Variants in TTN observed in about 807,000 individuals in gnomAD.
The protein encoded by TTN is titin.
TTN carries 1,525 observed loss-of-function variants against 3,223.0 expected under a neutral mutation model. The ratio of observed to expected loss-of-function variants is 0.47; its 90% confidence interval spans 0.45 to 0.49. The LOEUF is 0.49. Among genes scored for constraint, TTN ranks in the 20% least tolerant of loss-of-function variants. TTN has a pLI of 0.00. For synonymous variants in TTN, 14,094 were observed against 15,161.0 expected, an observed-to-expected ratio of 0.93 and a Z score of 5.17; for missense variants, 40,786 against 43,424.0, an observed-to-expected ratio of 0.94 and a Z score of 5.40.
intron 239 of TTN, 121 bp from the exon 240 acceptor site, chr2:178,629,564 A>G (rs1159899293): frequency 1.4e-6 from 2 of 1,413,094 alleles, no homozygotes; most frequent in African/African-American, 1.4e-5. Context: ...ACTGGCCACT[A>G]TTTTAACTCC....
chr2:178,731,540 G>A lies in TTN; in HGVS notation c.17226C>T (p.Leu5742=), dbSNP rs2154309349. The stretch of plus-strand genomic sequence containing the variant: ...CCTGGAAGGCAGCTGTGCCTCCCCG[G>A]AGGGAGCTGGTACTCTCGATCTTCT... ...FIKKIESTSS[L]RGGTAAFQAT... Residue 5742 remains leucine (L), a synonymous_variant, in exon 59 of 363, where the codon CTC becomes CTT. Transcript: ENST00000589042. 6.2e-7 allele frequency: 1 copy of A among 1,612,684 alleles called. No individual in the cohort carries two copies. The highest frequency in any genetic ancestry group is 1.7e-5 in the Admixed American group (1 of 59,898).
Position 178,533,503 on chromosome 2 carries a change from T to C in TTN, c.103112A>G (p.Asn34371Ser). ...ACTTTGGCCTTCTTGGCATTCTGCATTTGCCAGTAACCTTTTGAACATGGG... is the reference window on the plus strand; with the variant it reads ...ACTTTGGCCTTCTTGGCATTCTGCACTTGCCAGTAACCTTTTGAACATGGG... The part of the protein sequence containing the change: ...LRPMFKRLLA[N>S]AECQEGQSVC... Residue 34371 changes from asparagine to serine, a missense_variant, in exon 358 of 363, where the codon AAT (asparagine) becomes AGT (serine). Transcript: ENST00000589042. 6.2e-7 allele frequency: 1 copy of C among 1,613,466 alleles called. No individual in the cohort carries two copies. The highest frequency in any genetic ancestry group is 8.5e-7 in the Non-Finnish European group (1 of 1,179,434).
At position 178,554,186 on chromosome 2, in the gene TTN, A is replaced by C. The variant is rs1318548034; in HGVS notation, c.88925T>G (p.Val29642Gly). The C allele has an allele frequency of 6.2e-7, 1 of 1,607,042 alleles. No homozygotes were observed. The highest frequency in any genetic ancestry group is 2.2e-5 in the East Asian group (1 of 44,806). ...VTPGPPGIPEVTKITKNSMTV... is the reference protein window; with the variant it reads ...VTPGPPGIPEGTKITKNSMTV... ...CATCGAATTCTTGGTAATCTTTGTCACTTCTGGTATGCCTGGTGGCCCAGG... is the reference window on the plus strand; with the variant it reads ...CATCGAATTCTTGGTAATCTTTGTCCCTTCTGGTATGCCTGGTGGCCCAGG... The change falls in exon 333 of 363, where the codon GTG becomes GGG. Residue 29642 changes from valine to glycine, a missense_variant. Physicochemically the swap from Val to Gly is moderately radical, Grantham distance 109. Coordinates refer to ENST00000589042, the MANE Select transcript of TTN (RefSeq NM_001267550.2).
chr2:178,542,929 A>G lies in TTN; in HGVS notation c.96925T>C (p.Ser32309Pro). Residue 32309 changes from serine to proline, a missense_variant, in exon 348 of 363, where the codon TCT becomes CCT. By Grantham distance (74) the Ser-to-Pro change is moderately conservative. Coordinates refer to ENST00000589042, the MANE Select transcript of TTN (RefSeq NM_001267550.2). ...DLRVLPTIDLSTMPQKTIHVP... is the reference protein window; with the variant it reads ...DLRVLPTIDLPTMPQKTIHVP... ...TGGATGGTCTTCTGAGGCATTGTAGAAAGATCGATTGTTGGCAACACTATG... is the reference window on the plus strand; with the variant it reads ...TGGATGGTCTTCTGAGGCATTGTAGGAAGATCGATTGTTGGCAACACTATG... 6.2e-7 allele frequency: 1 copy of G among 1,605,164 alleles called. No homozygotes were observed. Among genetic ancestry groups the G allele is most frequent in the Non-Finnish European group, 8.5e-7 (1 of 1,173,526 alleles).
chr2:178,732,022 T>A (rs759969958), intron 57 of TTN, 44 bp downstream of exon 57: 2 of 1,589,254 alleles, frequency 1.3e-6, no homozygotes, highest in Non-Finnish European at 1.7e-6. Context: ...GTCTGTGCCA[T>A]GGGCCATAAC....
intron 132 of TTN, 102 bp downstream of exon 132, chr2:178,684,228 C>A: frequency 8.0e-7 from 1 of 1,242,776 alleles, no homozygotes; most frequent in Non-Finnish European, 1.1e-6. Flanking sequence ...ACAACAACAT[C>A]AACAACAACA....
Position 178,764,564 on chromosome 2 carries a change from A to G in TTN, c.9951T>C (p.Tyr3317=). Residue 3317 remains tyrosine, a synonymous_variant, in exon 42 of 363, where the codon TAT becomes TAC. Transcript: ENST00000589042. ...GTGAAGCTGATGTTGTGGCAACACCATAGTCATTCTTGGCTTCACAGGTAT... is the reference window on the plus strand; with the variant it reads ...GTGAAGCTGATGTTGTGGCAACACCGTAGTCATTCTTGGCTTCACAGGTAT... ...AVYTCEAKND[Y]GVATTSASLS... 4 of 1,614,158 alleles carry G rather than the reference A, an allele frequency of 2.5e-6. No individual in the cohort carries two copies. Among genetic ancestry groups the G allele is most frequent in the South Asian group, 2.2e-5 (2 of 91,082 alleles).
Position 178,730,520 on chromosome 2 carries a change from G to T in TTN, c.18013C>A (p.His6005Asn), listed in dbSNP as rs1241109741. The change falls in exon 61 of 363, where the codon CAT (histidine) becomes AAT (asparagine). Residue 6005 changes from histidine to asparagine, a missense_variant. By Grantham distance (68) the His-to-Asn change is moderately conservative. Transcript: ENST00000589042. The part of the protein sequence containing the change: ...NKAGHNQCSG[H>N]LTVKEPPYFV... ...ATTTGCCAACCTTTGACTGTCAGAT[G>T]CCCACTGCATTGGTTGTGCCCTGCC... 8 of 1,603,646 alleles carry T rather than the reference G, an allele frequency of 5.0e-6. No individual in the cohort carries two copies. Among genetic ancestry groups the T allele is most frequent in the Non-Finnish European group, 6.8e-6 (8 of 1,172,384 alleles).
At chr2:178,759,334 A>G (rs2088312525) in intron 43 of TTN, among the ~76,000 whole-genome samples, 162 bp from the exon 44 acceptor site, 1 of 152,222 alleles carries the variant, frequency 6.6e-6, no homozygotes, top group African/African-American at 2.4e-5. Context: ...TTGTTAAATG[A>G]TTTCCTTTCA....
In TTN at chr2:178,536,946, C is replaced by T. The variant is rs745406517; in HGVS notation, c.100163G>A (p.Ser33388Asn). 1.1e-5 allele frequency: 18 copies of T among 1,604,488 alleles called. No homozygotes were observed. Among genetic ancestry groups the T allele is most frequent in the Non-Finnish European group, 1.4e-5 (17 of 1,173,288 alleles). ...AATCAAGTTGTACTCACCAAATGGA[C>T]TCTTAATGATCACAACTGAGGACAC... ...LEVSSVVIIKSPFEKPGAPGK... is the reference protein window; with the variant it reads ...LEVSSVVIIKNPFEKPGAPGK... Residue 33388 changes from serine to asparagine, a missense_variant, in exon 356 of 363, where the codon AGT (serine) becomes AAT (asparagine). By Grantham distance (46) the Ser-to-Asn change is conservative. Transcript: ENST00000589042.
At chr2:178,699,022 G>A in intron 111 of TTN, 108 bp from the exon 112 acceptor site, 2 of 1,136,700 alleles carry the variant, frequency 1.8e-6, no homozygotes. Context: ...TTTTCCATAT[G>A]TTGATAGTAG....
Position 178,553,031 on chromosome 2 carries a change from G to T in TTN, c.89869C>A (p.Pro29957Thr), listed in dbSNP as rs1164517962. Residue 29957 changes from proline to threonine, a missense_variant, in exon 335 of 363, where the codon CCT (proline) becomes ACT (threonine). Pro to Thr is a conservative substitution (Grantham distance 38). Transcript: ENST00000589042. Reference protein sequence around the residue: ...RGTVTLLWDPPLIDGGSPIIN... With the variant: ...RGTVTLLWDPTLIDGGSPIIN... Reference sequence around the variant, plus strand: ...ATTGGAGATCCTCCATCAATGAGAGGAGGATCCCAGAGCAAAGTGACTGTG... The same window carrying T: ...ATTGGAGATCCTCCATCAATGAGAGTAGGATCCCAGAGCAAAGTGACTGTG... 1.9e-5 allele frequency: 31 copies of T among 1,611,658 alleles called. No homozygotes were observed. The highest frequency in any genetic ancestry group is 2.6e-5 in the Non-Finnish European group (31 of 1,179,762).
chr2:178,590,141 A>G lies in TTN; in HGVS notation c.61584T>C (p.Asp20528=), dbSNP rs374601610. 23 of 1,613,224 alleles carry G rather than the reference A, an allele frequency of 1.4e-5. No individual in the cohort carries two copies. The highest frequency in any genetic ancestry group is 1.9e-5 in the Non-Finnish European group (22 of 1,179,484). Residue 20528 remains aspartate, a synonymous_variant, in exon 304 of 363, where the codon GAT becomes GAC. Transcript: ENST00000589042. ...VREKRVDLIQ[D]LPRVELQIKE... ...TAATTTGTAACTCAACACGAGGTAG[A>G]TCCTGAATAAGGTCCACCCTCTTTT...
chr2:178,528,839 A>G lies in TTN; in HGVS notation c.106912T>C (p.Trp35638Arg), dbSNP rs1408667252. 1 of 1,613,952 alleles carries G rather than the reference A, an allele frequency of 6.2e-7. No homozygotes were observed. The highest frequency in any genetic ancestry group is 1.3e-5 in the African/African-American group (1 of 75,040). Residue 35638 changes from tryptophan (W) to arginine (R), a missense_variant, in exon 360 of 363, where the codon TGG becomes CGG. Transcript: ENST00000589042. ...GTAAGCTCTACGCCATTCAGTACCC[A>G]TTTCACATCAGTGGCACCAGCAATG... Reference protein sequence around the residue: ...ANIAGATDVKWVLNGVELTNS... With the variant: ...ANIAGATDVKRVLNGVELTNS...
chr2:178,733,043 C>A lies in TTN; in HGVS notation c.16133G>T (p.Cys5378Phe). Residue 5378 changes from cysteine (C) to phenylalanine (F), a missense_variant, in exon 55 of 363, where the codon TGC becomes TTC. Cys to Phe is a radical substitution (Grantham distance 205). Transcript: ENST00000589042. ...SVVNGTCRLD[C>F]KIAGSLPMRV... ...CATGGGGAGGGAGCCTGCAATTTTGCAGTCCAGTCTGCAGGTACCATTAAC... is the reference window on the plus strand; with the variant it reads ...CATGGGGAGGGAGCCTGCAATTTTGAAGTCCAGTCTGCAGGTACCATTAAC... 6.2e-7 allele frequency: 1 copy of A among 1,613,390 alleles called. No individual in the cohort carries two copies.
At chr2:178,624,778 A>G (rs1434602481) in intron 241 of TTN, 47 bp from the exon 242 acceptor site, 1 of 1,599,926 alleles carries the variant, frequency 6.3e-7, no homozygotes, top group Non-Finnish European at 8.5e-7. Flanking sequence ...TCCTTCTCCA[A>G]GAGTTTTGGT....
In TTN at chr2:178,601,459, C is replaced by G. The variant is rs753550237; in HGVS notation, c.55538G>C (p.Gly18513Ala). The G allele has an allele frequency of 9.3e-6, 15 of 1,612,824 alleles. No individual in the cohort carries two copies. Among genetic ancestry groups the G allele is most frequent in the African/African-American group, 4.0e-5 (3 of 74,828 alleles). The change falls in exon 287 of 363, where the codon GGC becomes GCC. Residue 18513 changes from glycine to alanine, a missense_variant. Gly to Ala is a moderately conservative substitution (Grantham distance 60). Coordinates refer to ENST00000589042, the MANE Select transcript of TTN (RefSeq NM_001267550.2). ...AATAGTCCTCTTCTCAATAACATAGCCTTTGATCCTGTCTCCTCCATCGTC... is the reference window on the plus strand; with the variant it reads ...AATAGTCCTCTTCTCAATAACATAGGCTTTGATCCTGTCTCCTCCATCGTC... The part of the protein sequence containing the change: ...PDDDGGDRIK[G>A]YVIEKRTIDG...
chr2:178,679,781 G>T (rs2068917181), intron 140 of TTN, 99 bp from the exon 141 acceptor site: 2 of 1,541,040 alleles, frequency 1.3e-6, no homozygotes, highest in Admixed American at 4.1e-5. Context: ...AAAAATATCT[G>T]CTTTAAAGTA....
intron 46 of TTN, among the ~76,000 whole-genome samples, chr2:178,754,376 C>T (rs2086382443): frequency 6.6e-6 from 1 of 152,160 alleles, no homozygotes; most frequent in Non-Finnish European, 1.5e-5. Flanking sequence ...TTCTTAGGTA[C>T]AAGTAAGGCA....
Sources: gnomAD v4.1 joint callset for allele counts (sites outside exome capture counted in the v4.1 genomes callset) on GRCh38, gnomAD v4.1.1 for gene constraint, MANE v1.5 for transcripts, NCBI Gene and HGNC (gene_info 2026-07-23, HGNC 2026-07-21) for gene names.